ZNF333: variants seen among roughly 807,000 people sequenced by gnomAD.
The protein encoded by ZNF333 is zinc finger protein 333.
A neutral mutation model predicts 76.1 loss-of-function variants in ZNF333; 61 were observed. The observed-to-expected ratio is 0.80, with a 90% confidence interval of 0.65 to 0.99. The LOEUF is 0.99. Among genes scored for constraint, ZNF333 ranks in the 50% least tolerant of loss-of-function variants. ZNF333 has a pLI of 0.00. For missense variants in ZNF333, 717 were observed against 822.4 expected (o/e 0.87, Z 1.57); for synonymous variants, 284 against 305.0 (o/e 0.93, Z 0.72).
chr19:14,700,323 T>A (rs971540936), intron 5 of ZNF333: 1 of 152,164 alleles, frequency 6.6e-6, no homozygotes, highest in Admixed American at 6.5e-5. Context: ...GCCCAGCCAT[T>A]ACTCACCTCT....
chr19:14,697,245 A>G (rs966859417), intron 4 of ZNF333, among the ~76,000 whole-genome samples: 1 of 151,504 alleles, frequency 6.6e-6, no homozygotes, highest in African/African-American at 2.4e-5. Context: ...TGGATAAGCT[A>G]TATTTTGATT....
chr19:14,701,096 C>A (rs1327686706), intron 5 of ZNF333, among the ~76,000 whole-genome samples: 1 of 152,174 alleles, frequency 6.6e-6, no homozygotes, highest in South Asian at 2.1e-4. Context: ...TGGAGAACAC[C>A]CTCCAGTAGC....
intron 5 of ZNF333, among the ~76,000 whole-genome samples, chr19:14,703,270 TG>T (rs1475388295): frequency 6.7e-6 from 1 of 150,218 alleles, no homozygotes; most frequent in Non-Finnish European, 1.5e-5. Flanking sequence ...AACAGCAGCA[TG>T]GGGGTAACTG....
chr19:14,698,657 G>A (rs1413325992), intron 4 of ZNF333, among the ~76,000 whole-genome samples: 1 of 151,754 alleles, frequency 6.6e-6, no homozygotes, highest in Non-Finnish European at 1.5e-5. Flanking sequence ...GGCCAAGATG[G>A]TGAAATCCTG....
intron 4 of ZNF333, among the ~76,000 whole-genome samples, chr19:14,697,983 G>C (rs1017569196): frequency 3.9e-5 from 6 of 152,116 alleles, no homozygotes; most frequent in African/African-American, 1.4e-4. Flanking sequence ...TTCTTAGCTA[G>C]GAAATTGCCT....
At chr19:14,694,986 G>A (rs757554255) in intron 2 of ZNF333, 24 bp from the exon 3 acceptor site, 4 of 1,614,028 alleles carry the variant, frequency 2.5e-6, no homozygotes, top group Non-Finnish European at 3.4e-6. Flanking sequence ...TATTTGCCGA[G>A]CCAGAATGTG....
Position 14,719,628 on chromosome 19 carries a change from G to A in ZNF333, c.*303G>A, listed in dbSNP as rs920423269. 8.9e-6 allele frequency: 10 copies of A among 1,120,250 alleles called. No homozygotes were observed. In the African/African-American group the frequency reaches 1.5e-4, roughly 16 times the overall value. The allele number at this position is 1,120,250 out of a possible 1,614,324, so 69.4% of individuals were successfully genotyped here. A position where few individuals can be genotyped will look rare whatever the true frequency, so the allele number is the denominator to read the frequency against. ...TGCATGTAACCACCACCCCATTCCA[G>A]ATATAGAATGTTTCTATCTCTCTGG... On this transcript the variant is annotated 3_prime_UTR_variant, in exon 12 of 12. Transcript: ENST00000292530.
intron 7 of ZNF333, chr19:14,707,877 T>C (rs984454821): frequency 5.0e-6 from 2 of 397,226 alleles, no homozygotes; most frequent in African/African-American, 2.1e-5. Context: ...AAAAGTGCCA[T>C]CCACTCTTGT....
downstream of ZNF333, among the ~76,000 whole-genome samples, chr19:14,722,205 ACTT>A (rs1173589014): frequency 1.3e-5 from 2 of 152,172 alleles, no homozygotes; most frequent in Non-Finnish European, 2.9e-5. Context: ...TGCCACAATG[ACTT>A]CTTCTATCCC....
At chr19:14,697,357 C>CTTTT (rs139125023) in intron 4 of ZNF333, among the ~76,000 whole-genome samples, 310 of 90,668 alleles carry the variant, frequency 3.4e-3, no homozygotes, top group Non-Finnish European at 4.9e-3. Context: ...TTTTTCTTTT[C>CTTTT]TTTTTTTTTT....
rs1358255965 is a variant in ZNF333 at position 14,719,379 on chromosome 19, C to G, written c.*54C>G. 3 of 1,495,462 alleles carry G rather than the reference C, an allele frequency of 2.0e-6. No homozygotes were observed. The highest frequency in any genetic ancestry group is 2.8e-5 in the African/African-American group (2 of 71,346). The allele number at this position is 1,495,462 out of a possible 1,614,324, so 92.6% of individuals were successfully genotyped here. ...GGGGCTATGACTTTCCCTCGTAATA[C>G]TCCTTTAGCTGCATCCTGTGTTTCA... On this transcript the variant is annotated 3_prime_UTR_variant, in exon 12 of 12. Coordinates refer to ENST00000292530, the MANE Select transcript of ZNF333 (RefSeq NM_032433.4).
chr19:14,715,243 A>G, intron 7 of ZNF333, 139 bp from the exon 8 acceptor site: 1 of 661,180 alleles, frequency 1.5e-6, no homozygotes, highest in Non-Finnish European at 2.6e-6. Context: ...ATGTGTCTGC[A>G]TGTGTGTGTC....
At chr19:14,698,935 T>TATATACACAC (rs1180611568) in intron 4 of ZNF333, among the ~76,000 whole-genome samples, 5 of 139,330 alleles carry the variant, frequency 3.6e-5, no homozygotes, top group South Asian at 2.2e-4. Context: ...TATATATATA[T>TATATACACAC]ACACACATAT....
intron 1 of ZNF333, among the ~76,000 whole-genome samples, chr19:14,692,606 G>A (rs1385823977): frequency 1.3e-5 from 2 of 152,040 alleles, no homozygotes; most frequent in Admixed American, 6.6e-5. Context: ...TCCACCTCCC[G>A]GGTTCCAGCG....
Position 14,718,833 on chromosome 19 carries a change from A to G in ZNF333, c.1506A>G (p.Arg502=). The stretch of plus-strand genomic sequence containing the variant: ...AGACACATCTGCGAACCCATACCAG[A>G]GAGAAACCATATGAATGCAACCAGT... ...SLKTHLRTHT[R]EKPYECNQCG... is the part of the protein sequence containing the mutation. Residue 502 remains arginine (R), a synonymous_variant, in exon 12 of 12, where the codon AGA becomes AGG. Coordinates refer to ENST00000292530, the MANE Select transcript of ZNF333 (RefSeq NM_032433.4). The G allele has an allele frequency of 4.3e-6, 7 of 1,613,930 alleles. No individual in the cohort carries two copies. Among genetic ancestry groups the G allele is most frequent in the African/African-American group, 1.3e-5 (1 of 74,936 alleles).
intron 7 of ZNF333, among the ~76,000 whole-genome samples, chr19:14,714,295 C>T (rs1289264068): frequency 1.3e-5 from 2 of 152,002 alleles, no homozygotes; most frequent in Non-Finnish European, 2.9e-5. Context: ...AAGGTTGGGC[C>T]CCAATCCAAC....
At chr19:14,727,024 C>CTTTTTTTT (rs33936016) in intron 11 of ZNF333, among the ~76,000 whole-genome samples, 8 of 70,106 alleles carry the variant, frequency 1.1e-4, no homozygotes, top group Non-Finnish European at 1.5e-4. Context: ...AGAAAAGAGG[C>CTTTTTTTT]TTTTTTTTTT....
chr19:14,726,002 A>G (rs971665137), downstream of ZNF333, among the ~76,000 whole-genome samples: 7 of 152,126 alleles, frequency 4.6e-5, no homozygotes, highest in African/African-American at 1.7e-4. Flanking sequence ...CTATGCCCCA[A>G]TGTCAGTCTC....
Position 14,705,126 on chromosome 19 carries a change from G to C in ZNF333, c.379G>C (p.Asp127His), listed in dbSNP as rs768459592. ...EERETPLTRE[D>H]RPALQEPPWS... ...GAGGGAGACACCATTGACTCGAGAG[G>C]ACCGGCCAGCTCTCCAGGAGCCGCC... Residue 127 changes from aspartate to histidine, a missense_variant, in exon 6 of 12, where the codon GAC becomes CAC. Transcript: ENST00000292530. 1.2e-6 allele frequency: 2 copies of C among 1,613,912 alleles called. No homozygotes were observed. Among genetic ancestry groups the C allele is most frequent in the Non-Finnish European group, 1.7e-6 (2 of 1,179,972 alleles).
Sources: gnomAD v4.1 joint callset for allele counts (sites outside exome capture counted in the v4.1 genomes callset) on GRCh38, gnomAD v4.1.1 for gene constraint, MANE v1.5 for transcripts, NCBI Gene and HGNC (gene_info 2026-07-23, HGNC 2026-07-21) for gene names.